CORO2B: variants seen among roughly 807,000 people sequenced by gnomAD.
CORO2B encodes the protein coronin-2B.
Under a neutral mutation model 58.8 loss-of-function variants are expected in CORO2B, and 26 were observed. That is an observed-to-expected ratio of 0.44 (90% CI 0.32 to 0.61). CORO2B has a LOEUF of 0.61. Ranked by LOEUF, CORO2B falls within the 20% of genes least tolerant of loss-of-function variation. The pLI is 0.04. For synonymous variants in CORO2B, 242 were observed against 253.8 expected (o/e 0.95, Z 0.44); for missense variants, 460 against 645.1 (o/e 0.71, Z 3.11).
chr15:68,597,638 A>T (rs75813605), intron 1 of CORO2B, among the ~76,000 whole-genome samples: 1 of 148,360 alleles, frequency 6.7e-6, no homozygotes, highest in East Asian at 1.9e-4. Context: ...AAAAAAAAAA[A>T]AATAAATAAA....
chr15:68,698,434 T>C (rs1362799990), intron 3 of CORO2B, among the ~76,000 whole-genome samples: 2 of 152,188 alleles, frequency 1.3e-5, no homozygotes, highest in Non-Finnish European at 2.9e-5. Flanking sequence ...CGGCGTCTTA[T>C]TTAACCTGAT....
chr15:68,705,198 G>A (rs566804319), intron 3 of CORO2B, among the ~76,000 whole-genome samples: 12 of 152,214 alleles, frequency 7.9e-5, no homozygotes, highest in African/African-American at 2.9e-4. Flanking sequence ...TGCAGATGAA[G>A]GCCAGGTACA....
chr15:68,726,105 C>A lies in CORO2B; in HGVS notation c.*131C>A. 8.2e-7 allele frequency: 1 copy of A among 1,225,940 alleles called. No homozygotes were observed. Among genetic ancestry groups the A allele is most frequent in the Non-Finnish European group, 1.1e-6 (1 of 883,290 alleles). The allele number at this position is 1,225,940 out of a possible 1,614,324, so 75.9% of individuals were successfully genotyped here. The stretch of plus-strand genomic sequence containing the variant: ...GGGCCAGCCTGAGGACCCCCGCCTA[C>A]CACCTCGAGAACTGGAAGCCAACCT... On this transcript the variant is annotated 3_prime_UTR_variant, in exon 12 of 12. Coordinates refer to ENST00000261861, the MANE Select transcript of CORO2B (RefSeq NM_006091.5).
chr15:68,705,450 A>G (rs561005959), intron 3 of CORO2B, among the ~76,000 whole-genome samples: 3,971 of 151,394 alleles, frequency 0.026, 204 homozygotes, highest in African/African-American at 0.092. Context: ...AAAAAAAAAA[A>G]AAAAGAAAGT....
chr15:68,664,749 A>C (rs1341493906), intron 2 of CORO2B, among the ~76,000 whole-genome samples: 1 of 152,240 alleles, frequency 6.6e-6, no homozygotes, highest in African/African-American at 2.4e-5. Flanking sequence ...AGTAGTTTCA[A>C]TTAACATTTT....
intron 3 of CORO2B, among the ~76,000 whole-genome samples, chr15:68,709,942 T>C (rs1892876127): frequency 6.6e-6 from 1 of 152,100 alleles, no homozygotes; most frequent in African/African-American, 2.4e-5. Context: ...GAGGTTTGCT[T>C]TGAGTGACAG....
intron 1 of CORO2B, among the ~76,000 whole-genome samples, chr15:68,622,762 CA>C (rs202092528): frequency 0.016 from 2,467 of 152,328 alleles, 70 homozygotes; most frequent in African/African-American, 0.057. Flanking sequence ...AAGGCAGACA[CA>C]GGCTCTGTCC....
chr15:68,577,065 G>T (rs573067902), upstream of CORO2B, among the ~76,000 whole-genome samples: 15 of 152,178 alleles, frequency 9.9e-5, no homozygotes, highest in Non-Finnish European at 1.9e-4. Context: ...GGCAAGCAAC[G>T]TGGGAAGATG....
chr15:68,570,894 C>T, the CORO2B span, among the ~76,000 whole-genome samples: 329 of 150,440 alleles, frequency 2.2e-3, 1 homozygote, highest in African/African-American at 7.6e-3. Context: ...CAGCCTCAGC[C>T]GCCCACAGTG....
At chr15:68,536,994 C>T in the CORO2B span, among the ~76,000 whole-genome samples, 144,278 of 152,332 alleles carry the variant, frequency 0.95, 68,423 homozygotes, top group East Asian at 1. Context: ...CTGTGGAGCA[C>T]CACCCCAAAC....
At chr15:68,609,627 A>G (rs1210387393) in intron 1 of CORO2B, among the ~76,000 whole-genome samples, 2 of 152,148 alleles carry the variant, frequency 1.3e-5, no homozygotes, top group Non-Finnish European at 2.9e-5. Flanking sequence ...CTGGTCTCCC[A>G]GCTCCTTCCA....
At chr15:68,694,310 C>T (rs1364392919) in intron 2 of CORO2B, among the ~76,000 whole-genome samples, 1 of 152,200 alleles carries the variant, frequency 6.6e-6, no homozygotes, top group East Asian at 1.9e-4. Context: ...AAGTGCTTTG[C>T]TAAGCATATT....
At chr15:68,683,902 G>A (rs1902876269) in intron 2 of CORO2B, among the ~76,000 whole-genome samples, 3 of 152,208 alleles carry the variant, frequency 2.0e-5, no homozygotes, top group African/African-American at 7.2e-5. Context: ...GTAGACTGAG[G>A]GAGAGTGTCA....
chr15:68,558,094 G>A, the CORO2B span, among the ~76,000 whole-genome samples: 1 of 152,154 alleles, frequency 6.6e-6, no homozygotes, highest in Non-Finnish European at 1.5e-5. Flanking sequence ...GGGTGGGTGC[G>A]GGCAGAGAGG....
intron 8 of CORO2B, among the ~76,000 whole-genome samples, chr15:68,717,713 G>C (rs753136125): frequency 6.6e-6 from 1 of 152,220 alleles, no homozygotes; most frequent in Non-Finnish European, 1.5e-5. Flanking sequence ...GACCGAATCT[G>C]CTGGCTCTTA....
chr15:68,588,872 C>T (rs955481888), intron 1 of CORO2B, among the ~76,000 whole-genome samples: 4 of 152,052 alleles, frequency 2.6e-5, no homozygotes, highest in African/African-American at 9.7e-5. Context: ...GCTGGTTATG[C>T]CTGCCCTGCT....
chr15:68,622,126 G>A (rs562843145), intron 1 of CORO2B, among the ~76,000 whole-genome samples: 103 of 152,282 alleles, frequency 6.8e-4, no homozygotes, highest in African/African-American at 2.4e-3. Flanking sequence ...TTTTGCTTAG[G>A]AGTGAGAATT....
intron 2 of CORO2B, among the ~76,000 whole-genome samples, chr15:68,681,315 C>A (rs1349864742): frequency 1.3e-5 from 2 of 151,782 alleles, no homozygotes; most frequent in African/African-American, 4.8e-5. Context: ...GGAGTTGGGG[C>A]GTCTCTTGAG....
rs943869734 is a variant in CORO2B, at chr15:68,666,933, C to T, written c.216+21573C>T. Among the ~76,000 whole-genome samples the T allele has an allele frequency of 5.9e-5, 9 of 152,272 alleles. No homozygotes were observed. In the South Asian group the frequency reaches 1.9e-3, roughly 32 times the overall value. On this transcript the variant is annotated intron_variant, in intron 2 of 11. Coordinates refer to ENST00000261861, the MANE Select transcript of CORO2B (RefSeq NM_006091.5). ...TCTAGGCATTGCCAGAAACCTGCCG[C>T]ATGCCCTTGGGTGAGATTTGGCTCT...
Sources: allele counts gnomAD v4.1 joint callset (sites outside exome capture counted in the v4.1 genomes callset), GRCh38; gene constraint gnomAD v4.1.1; transcripts MANE v1.5; gene names NCBI Gene and HGNC (gene_info 2026-07-23, HGNC 2026-07-21).